ANO3: variants seen among roughly 807,000 people sequenced by gnomAD.
ANO3 encodes anoctamin 3, also known as anoctamin-3.
ANO3 carries 99 observed loss-of-function variants against 144.8 expected under a neutral mutation model. The observed-to-expected ratio is 0.68, with a 90% CI of 0.58 to 0.81. The LOEUF (loss-of-function observed/expected upper bound fraction) is 0.81, where lower values mean the gene tolerates loss of function less well. Ranked by LOEUF, ANO3 falls within the 30% of genes least tolerant of loss-of-function variation. ANO3 has a pLI of 0.00. For synonymous variants in ANO3, 414 were observed against 392.6 expected (o/e 1.05, Z -0.64); for missense variants, 905 against 1,202.2 (o/e 0.75, Z 3.66).
At chr11:26,297,132 G>T (rs994190686) in intron 1 of ANO3, among the ~76,000 whole-genome samples, 10 of 151,802 alleles carry the variant, frequency 6.6e-5, no homozygotes, top group African/African-American at 2.4e-4. Flanking sequence ...AGTAATCACT[G>T]ATTGTGTTCT....
chr11:26,328,553 C>G (rs1044351885), upstream of ANO3, among the ~76,000 whole-genome samples: 1 of 152,098 alleles, frequency 6.6e-6, no homozygotes, highest in Admixed American at 6.6e-5. Context: ...GGACCTATTT[C>G]GAAATTCAAA....
chr11:26,294,133 G>A (rs898321084), intron 1 of ANO3, among the ~76,000 whole-genome samples: 1 of 152,108 alleles, frequency 6.6e-6, no homozygotes, highest in African/African-American at 2.4e-5. Context: ...ACGTTTAAAG[G>A]ACTGTTGTCC....
chr11:26,422,525 A>G (rs557234223), intron 1 of ANO3, among the ~76,000 whole-genome samples: 38 of 152,034 alleles, frequency 2.5e-4, no homozygotes, highest in Non-Finnish European at 4.7e-4. Flanking sequence ...GAACTGTCGA[A>G]AGTTGCATTA....
At position 26,291,194 on chromosome 11, in the gene ANO3, G is replaced by A. The variant is rs189726410; in HGVS notation, c.155-18451G>A. 8.3e-3 allele frequency among the ~76,000 whole-genome samples: 1,262 copies of A among 152,042 alleles called. 12 individuals are homozygous for A. The highest frequency in any genetic ancestry group is 0.029 in the African/African-American group (1,204 of 41,452). ...TTCTTTGTCTCTTTTGATCTTTTTG[G>A]TTTAAAGCCTGTTTTATCAGAGACT... On this transcript the variant is annotated intron_variant, in intron 1 of 27. Transcript: ENST00000672621.
chr11:26,230,992 C>A (rs1230954385), intron 1 of ANO3, among the ~76,000 whole-genome samples: 1 of 150,976 alleles, frequency 6.6e-6, no homozygotes. Flanking sequence ...GATTCTCCTG[C>A]CTCAGCCTCC....
At chr11:26,220,162 T>C (rs776670661) in intron 1 of ANO3, among the ~76,000 whole-genome samples, 4 of 152,212 alleles carry the variant, frequency 2.6e-5, no homozygotes, top group Non-Finnish European at 5.9e-5. Context: ...ATTTATTTTA[T>C]ATGAACAGTG....
At chr11:26,572,130 A>G in intron 14 of ANO3, 1 of 985,310 alleles carries the variant, frequency 1.0e-6, no homozygotes. Context: ...GAGAAAACAG[A>G]TGGGTTAAGT....
At chr11:26,447,855 A>T (rs1019689091) in intron 3 of ANO3, among the ~76,000 whole-genome samples, 1 of 152,154 alleles carries the variant, frequency 6.6e-6, no homozygotes, top group Admixed American at 6.6e-5. Flanking sequence ...AATTTTCTTT[A>T]TTAATCTTGG....
At chr11:26,387,461 T>A (rs990901669) in intron 1 of ANO3, among the ~76,000 whole-genome samples, 1 of 151,678 alleles carries the variant, frequency 6.6e-6, no homozygotes, top group African/African-American at 2.4e-5. Context: ...CCTATTAAAT[T>A]TTACATTTTA....
At chr11:26,615,678 A>G (rs1852238733) in intron 17 of ANO3, among the ~76,000 whole-genome samples, 1 of 152,140 alleles carries the variant, frequency 6.6e-6, no homozygotes, top group Non-Finnish European at 1.5e-5. Context: ...CGATATTTTA[A>G]GATTTCATTT....
intron 1 of ANO3, among the ~76,000 whole-genome samples, chr11:26,238,570 T>A (rs1299211149): frequency 6.6e-6 from 1 of 152,106 alleles, no homozygotes; most frequent in African/African-American, 2.4e-5. Context: ...TTGGATTAAA[T>A]GCCTACTGAC....
intron 4 of ANO3, among the ~76,000 whole-genome samples, chr11:26,464,513 G>C (rs889818972): frequency 1.3e-5 from 2 of 151,834 alleles, no homozygotes; most frequent in Admixed American, 6.6e-5. Flanking sequence ...TGTATTATCT[G>C]CTTTTCTAGA....
In ANO3 at chr11:26,642,043, A is replaced by G; in HGVS notation, c.2275+14A>G. ...ACTTAGAAATGGGTAAGGAAAAAAA[A>G]TCTGCAGGACTATTTGGCCTTCTTG... On this transcript the variant is annotated intron_variant, in intron 22 of 26. Coordinates refer to ENST00000256737, the MANE Select transcript of ANO3 (RefSeq NM_031418.4). 6.2e-7 allele frequency: 1 copy of G among 1,608,442 alleles called. No homozygotes were observed. The highest frequency in any genetic ancestry group is 1.3e-5 in the African/African-American group (1 of 74,700).
intron 4 of ANO3, among the ~76,000 whole-genome samples, chr11:26,493,988 G>T (rs187132050): frequency 3.3e-5 from 5 of 152,170 alleles, no homozygotes; most frequent in African/African-American, 1.2e-4. Flanking sequence ...GTTTGTAAAA[G>T]GATAGTTTTC....
intron 3 of ANO3, among the ~76,000 whole-genome samples, chr11:26,451,601 A>C (rs560233042): frequency 6.6e-6 from 1 of 152,294 alleles, no homozygotes; most frequent in African/African-American, 2.4e-5. Context: ...ACTGAGTGGA[A>C]CCCACCACAG....
At chr11:26,331,446 A>G (rs915944627), upstream of ANO3, 13 of 152,188 alleles carry the variant, frequency 8.5e-5, no homozygotes, top group African/African-American at 3.1e-4. Context: ...GTGTTGATTT[A>G]TGTGGTCTTG....
In ANO3 at chr11:26,440,743, G is replaced by A. The variant is rs142171995; in HGVS notation, c.47-1175G>A. Among the ~76,000 whole-genome samples the A allele has an allele frequency of 1.3e-3, 196 of 152,206 alleles. 2 individuals are homozygous for A. The highest frequency in any genetic ancestry group is 4.0e-3 in the African/African-American group (166 of 41,544). On this transcript the variant is annotated intron_variant, in intron 1 of 26. Coordinates refer to ENST00000256737, the MANE Select transcript of ANO3 (RefSeq NM_031418.4). ...GGTAAAATTATGGAGGGAAATGGGT[G>A]ATCCACAGAAAAATCTAAGGAGGAT...
chr11:26,196,078 T>C (rs1375354941), intron 1 of ANO3, among the ~76,000 whole-genome samples: 1 of 152,144 alleles, frequency 6.6e-6, no homozygotes, highest in African/African-American at 2.4e-5. Context: ...GGACAAGAGA[T>C]ACATATTGAA....
At position 26,332,285 on chromosome 11, in the gene ANO3, C is replaced by T; in HGVS notation, c.10C>T (p.His4Tyr). The T allele has an allele frequency of 6.2e-7, 1 of 1,613,948 alleles. No homozygotes were observed. Among genetic ancestry groups the T allele is most frequent in the Non-Finnish European group, 8.5e-7 (1 of 1,179,986 alleles). Residue 4 changes from histidine (H) to tyrosine (Y), a missense_variant, in exon 1 of 27, where the codon CAT becomes TAT. Transcript: ENST00000256737. ...GACGCGCAGAGTGAAAATGGTCCAC[C>T]ATTCAGGCTCCATTCAGTCCTTTAA... is the stretch of plus-strand genomic sequence containing the variant. MVH[H>Y]SGSIQSFKQQ...
Sources: allele counts gnomAD v4.1 joint callset (sites outside exome capture counted in the v4.1 genomes callset), GRCh38; gene constraint gnomAD v4.1.1; transcripts MANE v1.5; gene names NCBI Gene and HGNC (gene_info 2026-07-23, HGNC 2026-07-21).